The following FOXP2 variants were observed in gnomAD, a reference collection of about 807,000 sequenced individuals.
FOXP2 encodes forkhead box protein P2.
A neutral mutation model predicts 115.8 loss-of-function variants in FOXP2; 12 were observed. The observed-to-expected ratio is 0.10, with a 90% confidence interval of 0.07 to 0.17. FOXP2 has a LOEUF of 0.17. FOXP2 is among the 10% of genes least tolerant of loss of function. FOXP2 has a pLI of 1.00. For missense variants in FOXP2, 629 were observed against 843.5 expected (o/e 0.75, Z 3.15); for synonymous variants, 328 against 297.7 (o/e 1.10, Z -1.05).
At chr7:114,263,410 C>T (rs566739823) in intron 1 of FOXP2, among the ~76,000 whole-genome samples, 1 of 143,780 alleles carries the variant, frequency 7.0e-6, no homozygotes, top group African/African-American at 2.6e-5. Flanking sequence ...TTTCCTTTTT[C>T]CTTTTCCCTT....
At chr7:114,525,348 C>T (rs1201262808) in intron 2 of FOXP2, among the ~76,000 whole-genome samples, 4 of 152,170 alleles carry the variant, frequency 2.6e-5, no homozygotes, top group African/African-American at 9.6e-5. Flanking sequence ...TCACAAATCA[C>T]TTACATGTGA....
chr7:114,540,243 T>C (rs568403443), intron 3 of FOXP2, among the ~76,000 whole-genome samples: 2 of 152,156 alleles, frequency 1.3e-5, no homozygotes, highest in East Asian at 1.9e-4. Flanking sequence ...CCACCACATA[T>C]ACACTTCACA....
At chr7:114,589,351 T>C (rs1424651128) in intron 3 of FOXP2, among the ~76,000 whole-genome samples, 1 of 152,146 alleles carries the variant, frequency 6.6e-6, no homozygotes, top group Non-Finnish European at 1.5e-5. Flanking sequence ...TTAGATTTCT[T>C]TAAAAAAAAA....
intron 2 of FOXP2, among the ~76,000 whole-genome samples, chr7:114,386,898 A>T (rs1584686038): frequency 6.6e-6 from 1 of 152,240 alleles, no homozygotes; most frequent in Non-Finnish European, 1.5e-5. Flanking sequence ...TATAATAATG[A>T]AAATAATTAT....
chr7:114,242,836 C>T (rs1392996635), intron 1 of FOXP2, among the ~76,000 whole-genome samples: 1 of 152,098 alleles, frequency 6.6e-6, no homozygotes, highest in Non-Finnish European at 1.5e-5. Context: ...CTAGCTCAAG[C>T]TGGTTTCCTC....
chr7:114,328,613 A>G lies in FOXP2; in HGVS notation c.-11+40504A>G, dbSNP rs112830984. ...AATAATCCTTATAATGGATATTAAA[A>G]TTTAAGACACTTCAACTAATTAGAA... On this transcript the variant is annotated intron_variant, in intron 2 of 17. Coordinates refer to the FOXP2 transcript ENST00000634411. Among the ~76,000 whole-genome samples the G allele has an allele frequency of 1.5e-3, 225 of 152,324 alleles. 2 individuals carry two copies. Among genetic ancestry groups the G allele is most frequent in the African/African-American group, 5.1e-3 (211 of 41,576 alleles).
At chr7:114,138,327 A>G (rs1221499092) in intron 1 of FOXP2, among the ~76,000 whole-genome samples, 2 of 151,880 alleles carry the variant, frequency 1.3e-5, no homozygotes, top group Non-Finnish European at 2.9e-5. Flanking sequence ...AGCAACAGTT[A>G]TATATCCTGT....
At chr7:114,346,003 G>C (rs1014538736) in intron 2 of FOXP2, among the ~76,000 whole-genome samples, 1 of 151,610 alleles carries the variant, frequency 6.6e-6, no homozygotes, top group South Asian at 2.1e-4. Flanking sequence ...TTCACAAACA[G>C]CAATTTACAT....
At chr7:114,310,193 C>A (rs1443902558) in intron 2 of FOXP2, among the ~76,000 whole-genome samples, 3 of 152,182 alleles carry the variant, frequency 2.0e-5, no homozygotes, top group African/African-American at 7.2e-5. Flanking sequence ...CAGGTCCAGG[C>A]ATTTAGGGAA....
intron 2 of FOXP2, among the ~76,000 whole-genome samples, chr7:114,445,231 A>G (rs1044891560): frequency 2.0e-5 from 3 of 152,140 alleles, no homozygotes; most frequent in Admixed American, 6.6e-5. Flanking sequence ...TTGTTAACTA[A>G]GGCAAGCCCT....
rs114921148 is a variant in FOXP2 at position 114,297,473 on chromosome 7, A to T, written c.-11+9364A>T. On this transcript the variant is annotated intron_variant, in intron 2 of 17. Coordinates refer to the FOXP2 transcript ENST00000634411. The stretch of plus-strand genomic sequence containing the variant: ...CTGCCGTAGTGGAAGCACTATATGC[A>T]TTTTTTGCCTCTAAGTGCCCAATAG... 1,025 of 376,088 alleles carry T rather than the reference A, an allele frequency of 2.7e-3. 13 individuals are homozygous for T. Among genetic ancestry groups the T allele is most frequent in the African/African-American group, 0.02 (946 of 47,110 alleles). The allele number at this position is 376,088 out of a possible 1,614,324, so 23.3% of individuals were successfully genotyped here. A position where few individuals can be genotyped will look rare whatever the true frequency, so the allele number is the denominator to read the frequency against.
At chr7:114,418,369 G>T (rs1793447385) in intron 1 of FOXP2, among the ~76,000 whole-genome samples, 1 of 151,838 alleles carries the variant, frequency 6.6e-6, no homozygotes, top group Non-Finnish European at 1.5e-5. Context: ...GAAATAACTG[G>T]AAACGTCATG....
chr7:114,543,587 G>T (rs747478979), intron 3 of FOXP2, among the ~76,000 whole-genome samples: 4 of 152,166 alleles, frequency 2.6e-5, no homozygotes, highest in Admixed American at 6.5e-5. Context: ...TAGTGAGGTA[G>T]ATAACAGCAA....
intron 2 of FOXP2, among the ~76,000 whole-genome samples, chr7:114,381,368 T>C (rs1374127795): frequency 1.3e-5 from 2 of 152,160 alleles, no homozygotes; most frequent in African/African-American, 4.8e-5. Flanking sequence ...GATTTCTGAA[T>C]AGGTGGCTAA....
At position 114,344,100 on chromosome 7, in the gene FOXP2, A is replaced by G. The variant is rs1363095028; in HGVS notation, c.-11+55991A>G. On this transcript the variant is annotated intron_variant, in intron 2 of 17. Coordinates refer to the FOXP2 transcript ENST00000634411. ...TTACCTTGTATATAATTCTTGGTCAATATTTGTTTATCAAATTGGACATCT... is the reference window on the plus strand; with the variant it reads ...TTACCTTGTATATAATTCTTGGTCAGTATTTGTTTATCAAATTGGACATCT... Among the ~76,000 whole-genome samples, 7 of 151,616 alleles carry G rather than the reference A, an allele frequency of 4.6e-5. No homozygotes were observed. The Admixed American group carries it at 4.6e-4, about 10-fold the overall frequency.
chr7:114,462,524 A>G (rs2129225518), intron 2 of FOXP2, among the ~76,000 whole-genome samples: 1 of 151,714 alleles, frequency 6.6e-6, no homozygotes, highest in Non-Finnish European at 1.5e-5. Context: ...GGCACGTGCC[A>G]CCACGCCCTG....
chr7:114,293,267 CCT>C lies in FOXP2; in HGVS notation c.-11+5165_-11+5166del, dbSNP rs538733898. 4.2e-3 allele frequency among the ~76,000 whole-genome samples: 642 copies of C among 152,108 alleles called. 6 individuals carry two copies. The highest frequency in any genetic ancestry group is 0.015 in the African/African-American group (625 of 41,512). Reference sequence around the variant, plus strand: ...ATGTTTTGAGTTTCCTTTCTTTCTCCCTCTCTCTTGCCTCTATCTCTCTCTGT... The same window carrying C: ...ATGTTTTGAGTTTCCTTTCTTTCTCCCTCTCTTGCCTCTATCTCTCTCTGT... On this transcript the variant is annotated intron_variant, in intron 2 of 17. Transcript: ENST00000634411.
At chr7:114,542,840 T>C (rs1397236507) in intron 3 of FOXP2, among the ~76,000 whole-genome samples, 2 of 151,652 alleles carry the variant, frequency 1.3e-5, no homozygotes, top group East Asian at 1.9e-4. Flanking sequence ...ACCCAGGTTG[T>C]AGTGCAGTGG....
At chr7:114,682,202 G>C (rs1291712879) in intron 16 of FOXP2, among the ~76,000 whole-genome samples, 1 of 152,210 alleles carries the variant, frequency 6.6e-6, no homozygotes, top group African/African-American at 2.4e-5. Flanking sequence ...AAGGAGCCAG[G>C]CTTCAAACCC....
Sources: allele counts gnomAD v4.1 joint callset (sites outside exome capture counted in the v4.1 genomes callset), GRCh38; gene constraint gnomAD v4.1.1; transcripts MANE v1.5; gene names NCBI Gene and HGNC (gene_info 2026-07-23, HGNC 2026-07-21).